The following LITAF variants were observed in gnomAD, a reference collection of about 807,000 sequenced individuals.
LITAF encodes the protein lipopolysaccharide induced TNF factor.
Under a neutral mutation model 14.5 loss-of-function variants are expected in LITAF, and 9 were observed. The observed-to-expected ratio is 0.62, with a 90% CI of 0.37 to 1.08. The LOEUF is 1.08. Among genes scored for constraint, LITAF ranks in the 50% least tolerant of loss-of-function variants. The pLI, the probability that LITAF is intolerant of heterozygous loss-of-function variation, is 0.01. For missense variants in LITAF, 206 were observed against 213.4 expected (o/e 0.97, Z 0.22); for synonymous variants, 98 against 88.2 (o/e 1.11, Z -0.62).
At chr16:11,625,072 G>A (rs1443182431) in intron 3 of LITAF, among the ~76,000 whole-genome samples, 1 of 152,130 alleles carries the variant, frequency 6.6e-6, no homozygotes, top group African/African-American at 2.4e-5. Flanking sequence ...GAACTGTGCT[G>A]TGCCAACTCA....
chr16:11,620,872 G>A (rs573534004), intron 3 of LITAF, among the ~76,000 whole-genome samples: 5 of 152,164 alleles, frequency 3.3e-5, no homozygotes, highest in Non-Finnish European at 5.9e-5. Context: ...TCCAGGACAT[G>A]TCAACACTGC....
At chr16:11,569,292 G>A (rs2064505503) in intron 1 of LITAF, among the ~76,000 whole-genome samples, 1 of 152,094 alleles carries the variant, frequency 6.6e-6, no homozygotes, top group African/African-American at 2.4e-5. Context: ...ACAGGCTGGA[G>A]TACAGTGGCA....
At chr16:11,630,789 T>G (rs1319514031) in intron 3 of LITAF, among the ~76,000 whole-genome samples, 2 of 151,758 alleles carry the variant, frequency 1.3e-5, no homozygotes, top group East Asian at 3.9e-4. Context: ...GTCGGGGTGG[T>G]CTCACTATGT....
At chr16:11,628,261 C>T (rs2065096503) in intron 3 of LITAF, among the ~76,000 whole-genome samples, 2 of 152,164 alleles carry the variant, frequency 1.3e-5, no homozygotes, top group Admixed American at 1.3e-4. Flanking sequence ...CCCCAGATAA[C>T]TCGCTAAACT....
upstream of LITAF, among the ~76,000 whole-genome samples, chr16:11,600,812 C>T (rs931850049): frequency 6.6e-6 from 1 of 152,058 alleles, no homozygotes; most frequent in African/African-American, 2.4e-5. The surrounding 1 kb of genome is among the most constrained non-coding windows in gnomAD (Gnocchi z 4.1). Context: ...CGCTGAAAGC[C>T]GTTTTCATTA....
rs112974005 is a variant in LITAF at position 11,577,003 on chromosome 16, C to A, written c.-6+9883G>T. Reference sequence around the variant, plus strand: ...GTGGTGGTGGACATTGCCTGTCAAGCGCTTTTCATGCCTGTTTCACATCCC... The same window carrying A: ...GTGGTGGTGGACATTGCCTGTCAAGAGCTTTTCATGCCTGTTTCACATCCC... On this transcript the variant is annotated intron_variant, in intron 1 of 3. Coordinates refer to ENST00000622633, the MANE Select transcript of LITAF (RefSeq NM_001136472.2). Among the ~76,000 whole-genome samples, 719 of 152,304 alleles carry A rather than the reference C, an allele frequency of 4.7e-3. 9 individuals are homozygous for A. Among genetic ancestry groups the A allele is most frequent in the African/African-American group, 0.017 (689 of 41,564 alleles).
rs1417887188 is a variant in LITAF, at chr16:11,634,360, C to G, written c.-20-723G>C. On this transcript the variant is annotated intron_variant, in intron 2 of 3. Coordinates refer to the LITAF transcript ENST00000574848. This position sits in a 1 kb window ranked among gnomAD's most constrained non-coding sequence, Gnocchi z 4.1. ...AGTTTAATGATAATGATTCCCTTCC[C>G]CAAAACTCAACCGCCTTTGTGAAGG... 1.3e-5 allele frequency among the ~76,000 whole-genome samples: 2 copies of G among 152,132 alleles called. No individual in the cohort carries two copies. The highest frequency in any genetic ancestry group is 2.9e-5 in the Non-Finnish European group (2 of 68,028).
rs1480852974 is a variant in LITAF, at chr16:11,632,452, C to T, written c.85+1081G>A. Among the ~76,000 whole-genome samples the T allele has an allele frequency of 6.6e-6, 1 of 152,006 alleles. No individual in the cohort carries two copies. The highest frequency in any genetic ancestry group is 1.5e-5 in the Non-Finnish European group (1 of 67,996). On this transcript the variant is annotated intron_variant, in intron 3 of 3. Coordinates refer to the LITAF transcript ENST00000574848. This position sits in a 1 kb window ranked among gnomAD's most constrained non-coding sequence, Gnocchi z 4.8. ...CTATGCTCCACTGTCTGCTGGAAAC[C>T]CTGTTGACAAAGGAGGAAGCAACCC... is the stretch of plus-strand genomic sequence containing the variant.
intron 3 of LITAF, among the ~76,000 whole-genome samples, chr16:11,622,485 T>G (rs2065057424): frequency 6.6e-6 from 1 of 152,202 alleles, no homozygotes; most frequent in East Asian, 1.9e-4. Context: ...CGCACACTTG[T>G]GAACTTCATT....
Position 11,634,517 on chromosome 16 carries a change from A to G in LITAF, c.-20-880T>C, listed in dbSNP as rs981129804. The stretch of plus-strand genomic sequence containing the variant: ...TTGCAACTTCCCCTATTGCCCCTGC[A>G]GATAACATCACTATTGTAGAATCTA... On this transcript the variant is annotated intron_variant, in intron 2 of 3. Coordinates refer to the LITAF transcript ENST00000574848. This position sits in a 1 kb window ranked among gnomAD's most constrained non-coding sequence, Gnocchi z 4.1. Among the ~76,000 whole-genome samples, 3 of 152,208 alleles carry G rather than the reference A, an allele frequency of 2.0e-5. No individual in the cohort carries two copies. The highest frequency in any genetic ancestry group is 4.4e-5 in the Non-Finnish European group (3 of 68,036).
At chr16:11,608,779 A>G (rs113955806) in intron 3 of LITAF, among the ~76,000 whole-genome samples, 18 of 152,326 alleles carry the variant, frequency 1.2e-4, no homozygotes, top group African/African-American at 3.4e-4. Flanking sequence ...CCTGGCCAAC[A>G]TGGTGAAACC....
At chr16:11,626,733 A>G (rs996090837) in intron 3 of LITAF, among the ~76,000 whole-genome samples, 4 of 152,192 alleles carry the variant, frequency 2.6e-5, no homozygotes, top group African/African-American at 9.7e-5. Flanking sequence ...TGGCCTCCCA[A>G]AGTGCTAGGA....
upstream of LITAF, among the ~76,000 whole-genome samples, chr16:11,637,937 T>A (rs2065145624): frequency 5.4e-5 from 4 of 73,832 alleles, no homozygotes; most frequent in Non-Finnish European, 1.0e-4. Context: ...TATATCTATA[T>A]CTATATATCT....
intron 1 of LITAF, among the ~76,000 whole-genome samples, chr16:11,575,836 C>G (rs77891567): frequency 6.6e-6 from 1 of 152,044 alleles, no homozygotes; most frequent in Non-Finnish European, 1.5e-5. Flanking sequence ...TAAACATTCC[C>G]CCGAAAAAAG....
chr16:11,626,633 C>T (rs900994492), intron 3 of LITAF, among the ~76,000 whole-genome samples: 2 of 152,106 alleles, frequency 1.3e-5, no homozygotes, highest in Non-Finnish European at 2.9e-5. Flanking sequence ...CCACCGCGCC[C>T]AGCCTGTAAT....
intron 1 of LITAF, among the ~76,000 whole-genome samples, chr16:11,575,782 C>T (rs928368317): frequency 2.6e-5 from 4 of 152,224 alleles, no homozygotes; most frequent in African/African-American, 7.2e-5. Flanking sequence ...AAACCCCAGT[C>T]TCCATAGCTT....
chr16:11,600,160 G>A (rs1405281427), upstream of LITAF, among the ~76,000 whole-genome samples: 1 of 152,032 alleles, frequency 6.6e-6, no homozygotes, highest in African/African-American at 2.4e-5. This position sits in a 1 kb window ranked among gnomAD's most constrained non-coding sequence, Gnocchi z 4.1. Context: ...ACCATGCCCA[G>A]CTTGTTTTTG....
chr16:11,569,462 G>A (rs774618928), intron 1 of LITAF, among the ~76,000 whole-genome samples: 1 of 151,830 alleles, frequency 6.6e-6, no homozygotes, highest in Admixed American at 6.6e-5. Context: ...GGCTGGTCTC[G>A]AACTCCTGGC....
upstream of LITAF, among the ~76,000 whole-genome samples, chr16:11,638,065 T>G (rs1297586376): frequency 1.7e-3 from 232 of 133,232 alleles, 14 homozygotes; most frequent in African/African-American, 3.6e-3. Context: ...TATATATATA[T>G]CTATATATAT....
Sources: gnomAD v4.1 joint callset for allele counts (sites outside exome capture counted in the v4.1 genomes callset) on GRCh38, gnomAD v4.1.1 for gene constraint, Gnocchi (gnomAD v3.1) non-coding constraint, MANE v1.5 for transcripts, NCBI Gene and HGNC (gene_info 2026-07-23, HGNC 2026-07-21) for gene names.